Variants in SLC24A3 observed in about 807,000 individuals in gnomAD.
SLC24A3 encodes sodium/potassium/calcium exchanger 3.
A neutral mutation model predicts 75.8 loss-of-function variants in SLC24A3; 28 were observed. That is an observed-to-expected ratio of 0.37 (90% CI 0.27 to 0.51). The LOEUF (loss-of-function observed/expected upper bound fraction) is 0.51, where lower values mean the gene tolerates loss of function less well. Ranked by LOEUF, SLC24A3 falls within the 20% of genes least tolerant of loss-of-function variation. The pLI is 0.94. For synonymous variants in SLC24A3, 372 were observed against 334.1 expected, an observed-to-expected ratio of 1.11 and a Z score of -1.24; for missense variants, 663 against 847.8, an observed-to-expected ratio of 0.78 and a Z score of 2.71.
intron 4 of SLC24A3, among the ~76,000 whole-genome samples, chr20:19,583,349 G>C (rs3790264): frequency 0.78 from 118,053 of 151,948 alleles, 46,464 homozygotes; most frequent in South Asian, 0.89. Flanking sequence ...GAGAGAATGT[G>C]TGAGCCGCAA....
chr20:19,252,924 A>G (rs1448598865), intron 1 of SLC24A3, among the ~76,000 whole-genome samples: 4 of 152,174 alleles, frequency 2.6e-5, no homozygotes, highest in Non-Finnish European at 5.9e-5. Flanking sequence ...TCACAATCTC[A>G]TGGTACAGCT....
chr20:19,323,420 C>T (rs887268251), intron 2 of SLC24A3, among the ~76,000 whole-genome samples: 2 of 152,148 alleles, frequency 1.3e-5, no homozygotes, highest in African/African-American at 4.8e-5. Flanking sequence ...CTAGGACACA[C>T]AGGTTTCAAC....
chr20:19,495,605 G>A (rs532855243), intron 2 of SLC24A3, among the ~76,000 whole-genome samples: 1 of 152,290 alleles, frequency 6.6e-6, no homozygotes, highest in Admixed American at 6.5e-5. Flanking sequence ...GAAAGGCAAG[G>A]CTGGCCAAAA....
intron 1 of SLC24A3, among the ~76,000 whole-genome samples, chr20:19,214,563 A>C (rs940577277): frequency 1.3e-5 from 2 of 152,076 alleles, no homozygotes; most frequent in Admixed American, 6.5e-5. Context: ...TAGAGTTCCC[A>C]CCACTTTCAA....
intron 9 of SLC24A3, among the ~76,000 whole-genome samples, chr20:19,676,340 C>A (rs2032524478): frequency 6.6e-6 from 1 of 152,176 alleles, no homozygotes. Context: ...GCTGATGCCT[C>A]ACTTTTACCA....
chr20:19,446,169 G>C (rs1235434678), intron 2 of SLC24A3, among the ~76,000 whole-genome samples: 2 of 152,186 alleles, frequency 1.3e-5, no homozygotes, highest in East Asian at 3.9e-4. Context: ...GGGAAAGGCT[G>C]TAATGGCAAA....
chr20:19,319,064 C>T (rs1984647199), intron 2 of SLC24A3, among the ~76,000 whole-genome samples: 2 of 152,224 alleles, frequency 1.3e-5, no homozygotes, highest in Middle Eastern at 3.4e-3. Flanking sequence ...TTCTTTTTGC[C>T]TGCCAGTGAG....
chr20:19,533,208 A>G (rs1488454445), intron 3 of SLC24A3, among the ~76,000 whole-genome samples: 2 of 152,196 alleles, frequency 1.3e-5, no homozygotes, highest in East Asian at 1.9e-4. Flanking sequence ...TGAATGCTCT[A>G]TGGGGCTGAA....
At chr20:19,566,901 T>C (rs765785716) in intron 3 of SLC24A3, among the ~76,000 whole-genome samples, 26 of 152,162 alleles carry the variant, frequency 1.7e-4, no homozygotes, top group Non-Finnish European at 3.1e-4. Flanking sequence ...AACAAGCGCA[T>C]GAAAAATGCT....
chr20:19,314,277 A>AT (rs150144853), intron 2 of SLC24A3, among the ~76,000 whole-genome samples: 9 of 126,478 alleles, frequency 7.1e-5, no homozygotes, highest in South Asian at 2.6e-4. Context: ...GTTTTTATTT[A>AT]TTTATTTTAT....
At chr20:19,627,682 T>G (rs2031881371) in intron 6 of SLC24A3, among the ~76,000 whole-genome samples, 1 of 152,186 alleles carries the variant, frequency 6.6e-6, no homozygotes, top group Non-Finnish European at 1.5e-5. Context: ...ATTTTAATTG[T>G]TCCACTACAT....
intron 2 of SLC24A3, among the ~76,000 whole-genome samples, chr20:19,368,844 G>T (rs996190188): frequency 6.6e-6 from 1 of 152,200 alleles, no homozygotes; most frequent in Non-Finnish European, 1.5e-5. Context: ...GAGCCAGCTT[G>T]AAGAAGATCC....
chr20:19,527,072 G>A (rs6112444), intron 3 of SLC24A3, among the ~76,000 whole-genome samples: 14 of 151,694 alleles, frequency 9.2e-5, no homozygotes, highest in African/African-American at 3.4e-4. Flanking sequence ...TTCCTGCCTA[G>A]GCCCCAAAAC....
chr20:19,592,819 A>G (rs1446796487), intron 6 of SLC24A3, among the ~76,000 whole-genome samples: 2 of 107,920 alleles, frequency 1.9e-5, no homozygotes, highest in Non-Finnish European at 3.6e-5. Flanking sequence ...TTTTTGAGAT[A>G]GAGTCTCACT....
At chr20:19,698,465 C>A in intron 14 of SLC24A3, 103 bp from the exon 15 acceptor site, 2 of 717,824 alleles carry the variant, frequency 2.8e-6, no homozygotes, top group South Asian at 1.8e-5. Context: ...CATATGTGAG[C>A]TTGCAGAACC....
At chr20:19,404,869 G>A (rs77890653) in intron 2 of SLC24A3, among the ~76,000 whole-genome samples, 240 of 152,282 alleles carry the variant, frequency 1.6e-3, no homozygotes, top group East Asian at 0.011. Context: ...AAGCAAGATG[G>A]TCTTGCATTC....
intron 3 of SLC24A3, among the ~76,000 whole-genome samples, chr20:19,520,685 A>G (rs766944095): frequency 2.0e-5 from 3 of 152,044 alleles, no homozygotes; most frequent in Non-Finnish European, 4.4e-5. Context: ...CTGCATGGTG[A>G]GGGTGCCCAG....
At chr20:19,411,477 T>C (rs571953355) in intron 2 of SLC24A3, among the ~76,000 whole-genome samples, 17 of 152,334 alleles carry the variant, frequency 1.1e-4, no homozygotes, top group African/African-American at 4.1e-4. Flanking sequence ...AGCAGATTGA[T>C]GTTTCTTCCT....
intron 15 of SLC24A3, among the ~76,000 whole-genome samples, chr20:19,715,047 G>C (rs188210947): frequency 6.6e-6 from 1 of 152,168 alleles, no homozygotes; most frequent in African/African-American, 2.4e-5. Context: ...AGCTCAAAAG[G>C]ATTCCTGAGT....
Sources: gnomAD v4.1 joint callset for allele counts (sites outside exome capture counted in the v4.1 genomes callset) on GRCh38, gnomAD v4.1.1 for gene constraint, MANE v1.5 for transcripts, NCBI Gene and HGNC (gene_info 2026-07-23, HGNC 2026-07-21) for gene names.